TXNRD2: variants seen among roughly 807,000 people sequenced by gnomAD.
The protein encoded by TXNRD2 is thioredoxin reductase 2, mitochondrial.
Under a neutral mutation model 70.8 loss-of-function variants are expected in TXNRD2, and 67 were observed. The ratio of observed to expected loss-of-function variants is 0.95; its 90% CI spans 0.78 to 1.16. TXNRD2 has a LOEUF of 1.16. Ranked by LOEUF, TXNRD2 falls within the 50% of genes most tolerant of loss-of-function variation. The probability of loss-of-function intolerance (pLI) is 0.00; values close to 1 mark genes in which losing one functional copy is unlikely to be tolerated. For missense variants in TXNRD2, 644 were observed against 719.9 expected, an observed-to-expected ratio of 0.89 and a Z score of 1.21; for synonymous variants, 301 against 295.8, an observed-to-expected ratio of 1.02 and a Z score of -0.18.
chr22:19,938,064 G>T (rs537174946), intron 1 of TXNRD2: 1 of 152,196 alleles, frequency 6.6e-6, no homozygotes, highest in African/African-American at 2.4e-5. Flanking sequence ...CAGGGCGGTC[G>T]ATCTCTGTAG....
chr22:19,904,066 G>C (rs1006189914), intron 8 of TXNRD2, among the ~76,000 whole-genome samples: 1 of 152,220 alleles, frequency 6.6e-6, no homozygotes, highest in African/African-American at 2.4e-5. Context: ...GGCGGAGCAG[G>C]AGCCGACCTG....
At chr22:19,897,872 C>A (rs1299147010) in intron 10 of TXNRD2, among the ~76,000 whole-genome samples, 167 bp downstream of exon 10, 1 of 152,176 alleles carries the variant, frequency 6.6e-6, no homozygotes, top group South Asian at 2.1e-4. Flanking sequence ...TCGCTCCGGC[C>A]GAGTGTCTGC....
At position 19,930,844 on chromosome 22, in the gene TXNRD2, C is replaced by T. The variant is rs1042328952; in HGVS notation, c.172+186G>A. Among the ~76,000 whole-genome samples, 6 of 152,116 alleles carry T rather than the reference C, an allele frequency of 3.9e-5. No homozygotes were observed. The East Asian group carries it at 5.8e-4, about 15-fold the overall frequency. ...AAGGCAGTTCAGCCATGAAGTGCCA[C>T]GGCGGCCGCTGGGTACAGCAGACAG... On this transcript the variant is annotated intron_variant, in intron 2 of 17. Transcript: ENST00000400521.
At chr22:19,888,883 T>C (rs1417078178) in intron 11 of TXNRD2, among the ~76,000 whole-genome samples, 1 of 17,012 alleles carries the variant, frequency 5.9e-5, no homozygotes, top group Non-Finnish European at 2.9e-4. Flanking sequence ...ATTTATCTTC[T>C]TTTTTTTTTT....
rs115767740 is a variant in TXNRD2, at chr22:19,900,350, T to C, written c.663-1282A>G. Among the ~76,000 whole-genome samples the C allele has an allele frequency of 4.2e-3, 640 of 152,158 alleles. 6 individuals carry two copies. Among genetic ancestry groups the C allele is most frequent in the African/African-American group, 0.015 (612 of 41,506 alleles). On this transcript the variant is annotated intron_variant, in intron 8 of 17. Transcript: ENST00000400521. ...GCACTTCCACACATGCACACACACA[T>C]AGGCACCACATACACATCTCTACAC... is the stretch of plus-strand genomic sequence containing the variant.
intron 11 of TXNRD2, chr22:19,887,796 GCCATGCCCAC>G (rs2145950124): frequency 6.6e-6 from 1 of 152,412 alleles, no homozygotes; most frequent in South Asian, 2.1e-4. Flanking sequence ...CTGAAGGCAG[GCCATGCCCAC>G]TACATATAAG....
intron 1 of TXNRD2, chr22:19,933,577 A>C (rs76007000): frequency 3.6e-5 from 43 of 1,203,414 alleles, no homozygotes; most frequent in Middle Eastern, 3.2e-4. Flanking sequence ...TATCTTGGGC[A>C]GCTTGCTCGC....
At chr22:19,934,649 G>A (rs1256745115) in intron 1 of TXNRD2, among the ~76,000 whole-genome samples, 1 of 149,638 alleles carries the variant, frequency 6.7e-6, no homozygotes, top group Admixed American at 6.8e-5. Context: ...TGCAAGCTCC[G>A]CCTCCTGGGT....
At chr22:19,934,377 T>C (rs1404369828) in intron 1 of TXNRD2, among the ~76,000 whole-genome samples, 2 of 75,880 alleles carry the variant, frequency 2.6e-5, no homozygotes, top group Non-Finnish European at 5.4e-5. Context: ...TGAGACTCTG[T>C]CTCAGAAAAA....
At chr22:19,899,741 C>A (rs900092052) in intron 8 of TXNRD2, among the ~76,000 whole-genome samples, 2 of 152,260 alleles carry the variant, frequency 1.3e-5, no homozygotes, top group African/African-American at 4.8e-5. Context: ...TGCACACATG[C>A]CACACACCTG....
At chr22:19,936,964 C>T (rs1354082740) in intron 1 of TXNRD2, among the ~76,000 whole-genome samples, 3 of 152,120 alleles carry the variant, frequency 2.0e-5, no homozygotes, top group Admixed American at 6.5e-5. Context: ...CGATATACGC[C>T]GCTCAATCTT....
chr22:19,910,029 C>T (rs1345134533), intron 8 of TXNRD2, among the ~76,000 whole-genome samples: 1 of 152,168 alleles, frequency 6.6e-6, no homozygotes, highest in Non-Finnish European at 1.5e-5. Flanking sequence ...CATGCACATT[C>T]GGGCACACAC....
chr22:19,902,643 G>C (rs185616862), intron 8 of TXNRD2, among the ~76,000 whole-genome samples: 2 of 152,190 alleles, frequency 1.3e-5, no homozygotes, highest in Non-Finnish European at 2.9e-5. Flanking sequence ...GGCAGATGCT[G>C]GGCCGGAGCC....
intron 11 of TXNRD2, among the ~76,000 whole-genome samples, chr22:19,889,210 T>C (rs1216205008): frequency 1.3e-5 from 2 of 152,158 alleles, no homozygotes; most frequent in Admixed American, 6.5e-5. Flanking sequence ...TGCATTATGA[T>C]GTGTAAGACC....
chr22:19,928,415 C>T (rs1339089270), intron 2 of TXNRD2, among the ~76,000 whole-genome samples: 1 of 152,136 alleles, frequency 6.6e-6, no homozygotes, highest in African/African-American at 2.4e-5. Context: ...TCGACACTCG[C>T]GCCAACGAAG....
chr22:19,924,475 C>A lies in TXNRD2; in HGVS notation c.173-4876G>T, dbSNP rs141261725. Among the ~76,000 whole-genome samples the A allele has an allele frequency of 1.9e-3, 286 of 152,274 alleles. 1 individual carries two copies. Among genetic ancestry groups the A allele is most frequent in the African/African-American group, 6.6e-3 (274 of 41,548 alleles). On this transcript the variant is annotated intron_variant, in intron 2 of 17. Coordinates refer to ENST00000400521, the MANE Select transcript of TXNRD2 (RefSeq NM_006440.5). ...TTTCAGCTGCATGGTCTCCATCATA[C>A]CCGTAGACCCAACAGCTGAGCTTCC...
At chr22:19,910,993 T>G (rs887955086) in intron 8 of TXNRD2, 2 of 316,276 alleles carry the variant, frequency 6.3e-6, no homozygotes, top group South Asian at 5.2e-5. Context: ...GAGAATCACT[T>G]GAACCTGGGA....
Position 19,895,538 on chromosome 22 carries a change from G to T in TXNRD2, c.818C>A (p.Thr273Asn). The change falls in exon 11 of 18, where the codon ACC becomes AAC. Residue 273 changes from threonine (T) to asparagine (N), a missense_variant. Transcript: ENST00000400521. ...GGGGGCACAGCCCCTCAGGAACCGG[G>T]TGCCATGAGATGCCATGTGCTCTAT... ...MVIEHMASHG[T>N]RFLRGCAPSR... is the part of the protein sequence containing the mutation. The T allele has an allele frequency of 6.2e-7, 1 of 1,613,478 alleles. No individual in the cohort carries two copies.
At chr22:19,904,685 G>A (rs1601425172) in intron 8 of TXNRD2, among the ~76,000 whole-genome samples, 2 of 152,222 alleles carry the variant, frequency 1.3e-5, no homozygotes, top group African/African-American at 2.4e-5. Context: ...CCTCGTGCAC[G>A]CCGCAGAGCC....
Sources: gnomAD v4.1 joint callset for allele counts (sites outside exome capture counted in the v4.1 genomes callset) on GRCh38, gnomAD v4.1.1 for gene constraint, MANE v1.5 for transcripts, NCBI Gene and HGNC (gene_info 2026-07-23, HGNC 2026-07-21) for gene names.